Variants in PAPLN observed in about 807,000 individuals in gnomAD.
PAPLN encodes papilin.
PAPLN carries 146 observed loss-of-function variants against 159.0 expected under a neutral mutation model. The observed-to-expected ratio is 0.92, with a 90% CI of 0.80 to 1.05. The LOEUF is 1.05. Ranked by LOEUF, PAPLN falls within the 50% of genes least tolerant of loss-of-function variation. The probability of loss-of-function intolerance (pLI) is 0.00; values close to 1 mark genes in which losing one functional copy is unlikely to be tolerated. For missense variants in PAPLN, 1,720 were observed against 1,743.9 expected, an observed-to-expected ratio of 0.99 and a Z score of 0.24; for synonymous variants, 734 against 702.9, an observed-to-expected ratio of 1.04 and a Z score of -0.70.
chr14:73,241,800 G>A (rs1401873022), intron 2 of PAPLN, among the ~76,000 whole-genome samples: 2 of 152,250 alleles, frequency 1.3e-5, no homozygotes, highest in African/African-American at 4.8e-5. Flanking sequence ...GGCGGCCTGC[G>A]TGTTCCTGGG....
At position 73,259,537 on chromosome 14, in the gene PAPLN, G is replaced by T. The variant is rs1354264063; in HGVS notation, c.1977G>T (p.Gln659His). 6.4e-7 allele frequency: 1 copy of T among 1,574,032 alleles called. No individual in the cohort carries two copies. Among genetic ancestry groups the T allele is most frequent in the Non-Finnish European group, 8.6e-7 (1 of 1,159,344 alleles). ...QWQGCPGAPC[Q>H]QSRYGCCPDR... is the part of the protein sequence containing the mutation. ...AAGGCTGCCCTGGGGCCCCCTGTCAGCAGAGCAGGTGGGTGCTGGAGACAG... is the reference window on the plus strand; with the variant it reads ...AAGGCTGCCCTGGGGCCCCCTGTCATCAGAGCAGGTGGGTGCTGGAGACAG... The change falls in exon 16 of 27, where the codon CAG becomes CAT. Residue 659 changes from glutamine (Q) to histidine (H), a missense_variant. Gln to His is a conservative substitution (Grantham distance 24). Coordinates refer to ENST00000644200, the MANE Select transcript of PAPLN (RefSeq NM_001365906.3).
In PAPLN at chr14:73,264,686, CT is replaced by C; in HGVS notation, c.3086del (p.Leu1029ArgfsTer35). On this transcript the variant is annotated frameshift_variant, in exon 22 of 27. Coordinates refer to ENST00000644200, the MANE Select transcript of PAPLN (RefSeq NM_001365906.3). LOFTEE classifies it high-confidence loss of function. ...DFGQAGAAGP[L>X]GAIPSSHPQP... is the part of the protein sequence containing the mutation. Reference sequence around the variant, plus strand: ...TGGCCAAGCGGGGGCTGCTGGGCCCCTGGGGGCCATCCCCTCTTCACACCCA... The same window carrying C: ...TGGCCAAGCGGGGGCTGCTGGGCCCCGGGGGCCATCCCCTCTTCACACCCA... 6.2e-7 allele frequency: 1 copy of C among 1,612,250 alleles called. No homozygotes were observed. Among genetic ancestry groups the C allele is most frequent in the Non-Finnish European group, 8.5e-7 (1 of 1,179,594 alleles).
chr14:73,235,887 A>G (rs1883013704), upstream of PAPLN, among the ~76,000 whole-genome samples: 1 of 152,208 alleles, frequency 6.6e-6, no homozygotes. Flanking sequence ...ATTTAAACTG[A>G]TTTAAACTGG....
rs1886323079 is a variant in PAPLN at position 73,259,531 on chromosome 14, C to G, written c.1971C>G (p.Pro657=). 1.3e-6 allele frequency: 2 copies of G among 1,579,514 alleles called. No homozygotes were observed. The highest frequency in any genetic ancestry group is 8.6e-7 in the Non-Finnish European group (1 of 1,162,024). Residue 657 remains proline (P), a synonymous_variant, in exon 16 of 27, where the codon CCC becomes CCG. Transcript: ENST00000644200. ...GPQWQGCPGA[P]CQQSRYGCCP... ...AGTGGCAAGGCTGCCCTGGGGCCCC[C>G]TGTCAGCAGAGCAGGTGGGTGCTGG...
At chr14:73,254,133 G>A (rs1456934083) in intron 12 of PAPLN, among the ~76,000 whole-genome samples, 172 bp downstream of exon 12, 1 of 152,182 alleles carries the variant, frequency 6.6e-6, no homozygotes, top group African/African-American at 2.4e-5. Context: ...CTGGATGAGT[G>A]GTCCAGGGCT....
Position 73,254,558 on chromosome 14 carries a change from TGCC to T in PAPLN, c.1350_1352del (p.Cys450_Arg451delinsTrp), listed in dbSNP as rs778159793. ...TGGCGTCCGGAAGCGGAGCGTTACT[TGCC>T]GGGGTGAAAGGGGTTCTTTGCTCCA... On this transcript the variant is annotated inframe_deletion, in exon 13 of 27. Coordinates refer to ENST00000644200, the MANE Select transcript of PAPLN (RefSeq NM_001365906.3). 1.1e-5 allele frequency: 17 copies of T among 1,613,944 alleles called. No individual in the cohort carries two copies. Among genetic ancestry groups the T allele is most frequent in the Non-Finnish European group, 1.4e-5 (16 of 1,179,930 alleles).
intron 5 of PAPLN, among the ~76,000 whole-genome samples, chr14:73,249,305 A>G (rs983980846): frequency 6.6e-6 from 1 of 152,174 alleles, no homozygotes; most frequent in Non-Finnish European, 1.5e-5. Context: ...TTCCCACACC[A>G]TATAGTCTTC....
At chr14:73,238,332 C>G (rs1377320329) in intron 1 of PAPLN, among the ~76,000 whole-genome samples, 3 of 152,248 alleles carry the variant, frequency 2.0e-5, no homozygotes, top group Non-Finnish European at 4.4e-5. Flanking sequence ...CCACCCGGTC[C>G]CTGCCCTCGG....
At chr14:73,251,925 T>TC in intron 9 of PAPLN, 89 bp downstream of exon 9, 2 of 1,547,718 alleles carry the variant, frequency 1.3e-6, no homozygotes, top group Non-Finnish European at 1.7e-6. Context: ...GTTGAGTGGC[T>TC]CTGGGCTTGA....
chr14:73,267,899 C>G (rs932854059), intron 25 of PAPLN, among the ~76,000 whole-genome samples: 22 of 152,150 alleles, frequency 1.4e-4, no homozygotes, highest in Admixed American at 7.9e-4. Context: ...CATAGTGTCC[C>G]CTTTACAGCT....
At position 73,248,685 on chromosome 14, in the gene PAPLN, G is replaced by T. The variant is rs980032310; in HGVS notation, c.335-1299G>T. ...AGGCATACAAAGATTAGCTAGGCAT[G>T]GTTGCACACCCATGTAGTCCCAGCT... On this transcript the variant is annotated intron_variant, in intron 5 of 26. Coordinates refer to ENST00000644200, the MANE Select transcript of PAPLN (RefSeq NM_001365906.3). Among the ~76,000 whole-genome samples the T allele has an allele frequency of 4.6e-5, 7 of 152,038 alleles. No homozygotes were observed. The East Asian group carries it at 1.3e-3, about 29-fold the overall frequency.
chr14:73,242,467 AC>A (rs1178724581), intron 2 of PAPLN, among the ~76,000 whole-genome samples: 4 of 152,170 alleles, frequency 2.6e-5, no homozygotes, highest in Non-Finnish European at 5.9e-5. Flanking sequence ...ACCAGGCCCA[AC>A]CCAGCAGCTA....
Position 73,247,095 on chromosome 14 carries a change from T to A in PAPLN, c.334+920T>A, listed in dbSNP as rs1884484851. Among the ~76,000 whole-genome samples, 3 of 152,180 alleles carry A rather than the reference T, an allele frequency of 2.0e-5. No individual in the cohort carries two copies. In the South Asian group the frequency reaches 6.2e-4, roughly 31 times the overall value. On this transcript the variant is annotated intron_variant, in intron 5 of 26. Transcript: ENST00000644200. ...TCTGCTATGGGAAGCGTTCCTCCCG[T>A]CGCACAGAGACGGAGATGGGGAACC...
rs1566698630 is a variant in PAPLN at position 73,261,180 on chromosome 14, G to T, written c.2131G>T (p.Ala711Ser). 1.2e-6 allele frequency: 2 copies of T among 1,614,080 alleles called. No homozygotes were observed. Among genetic ancestry groups the T allele is most frequent in the Admixed American group, 3.3e-5 (2 of 60,014 alleles). ...STVHNTHQPQ[A>S]QQNEPSECRG... ...GGTCCACAACACCCACCAGCCCCAG[G>T]CCCAGCAGAATGAGCCCAGTGAGTG... The change falls in exon 18 of 27, where the codon GCC becomes TCC. Residue 711 changes from alanine (A) to serine (S), a missense_variant. Coordinates refer to ENST00000644200, the MANE Select transcript of PAPLN (RefSeq NM_001365906.3).
At position 73,262,711 on chromosome 14, in the gene PAPLN, C is replaced by A; in HGVS notation, c.2607C>A (p.Ala869=). 6.6e-7 allele frequency: 1 copy of A among 1,509,670 alleles called. No individual in the cohort carries two copies. 93.5% of individuals were successfully genotyped at this position (1,509,670 alleles called of 1,614,324 possible). Residue 869 remains alanine, a synonymous_variant, in exon 19 of 27, where the codon GCC becomes GCA. Coordinates refer to ENST00000644200, the MANE Select transcript of PAPLN (RefSeq NM_001365906.3). The part of the protein sequence containing the change: ...RQDQQPGPGE[A]PHTQAFGEWP... The stretch of plus-strand genomic sequence containing the variant: ...ACCAACAGCCTGGGCCAGGGGAGGC[C>A]CCCCACACCCAGGCCTTTGGAGAAT...
At chr14:73,255,165 C>T (rs1207769659) in intron 14 of PAPLN, 147 bp downstream of exon 14, 1 of 1,228,676 alleles carries the variant, frequency 8.1e-7, no homozygotes, top group African/African-American at 1.5e-5. Flanking sequence ...CCCCGCTGAA[C>T]CCTTTGCCAT....
rs185099553 is a variant in PAPLN at position 73,252,192 on chromosome 14, C to T, written c.967+51C>T. ...GGGCATGGGCCCTGTGTGCTGGATC[C>T]CACGGCCACAGGTGGGCAAGTCACA... On this transcript the variant is annotated intron_variant, in intron 10 of 26. Transcript: ENST00000644200. 5.9e-6 allele frequency: 9 copies of T among 1,519,904 alleles called. No homozygotes were observed. In the East Asian group the frequency reaches 2.2e-4, roughly 37 times the overall value. The allele number at this position is 1,519,904 out of a possible 1,614,324, so 94.2% of individuals were successfully genotyped here. A position where few individuals can be genotyped will look rare whatever the true frequency, so the allele number is the denominator to read the frequency against.
At chr14:73,248,198 T>C (rs531308228) in intron 5 of PAPLN, among the ~76,000 whole-genome samples, 7 of 133,310 alleles carry the variant, frequency 5.3e-5, no homozygotes, top group African/African-American at 1.8e-4. Context: ...TCTGTGTGTG[T>C]TGTGGGGATT....
Position 73,245,690 on chromosome 14 carries a change from C to T in PAPLN, c.225C>T (p.Arg75=), listed in dbSNP as rs1398828137. 4 of 1,550,370 alleles carry T rather than the reference C, an allele frequency of 2.6e-6. No individual in the cohort carries two copies. Among genetic ancestry groups the T allele is most frequent in the East Asian group, 4.8e-5 (2 of 41,680 alleles). ...CCGCCCGGAGCCACCGCTCTTGTCG[C>T]ACGGAGGTAAAGCTCACGGGGCGCG... ...VGPARSHRSC[R]TESCPDGARD... The change falls in exon 4 of 27, where the codon CGC becomes CGT. Residue 75 remains arginine, a synonymous_variant. Coordinates refer to ENST00000644200, the MANE Select transcript of PAPLN (RefSeq NM_001365906.3). This position sits in a 1 kb window ranked among gnomAD's most constrained non-coding sequence, Gnocchi z 4.2.
Sources: allele counts gnomAD v4.1 joint callset (sites outside exome capture counted in the v4.1 genomes callset), GRCh38; gene constraint gnomAD v4.1.1; non-coding constraint Gnocchi (gnomAD v3.1); transcripts MANE v1.5; gene names NCBI Gene and HGNC (gene_info 2026-07-23, HGNC 2026-07-21).